Variants in CAMK4 observed in about 807,000 individuals in gnomAD.
CAMK4 encodes calcium/calmodulin-dependent protein kinase type IV.
A neutral mutation model predicts 44.9 loss-of-function variants in CAMK4; 22 were observed. The ratio of observed to expected loss-of-function variants is 0.49; its 90% CI spans 0.35 to 0.70. The LOEUF is 0.70. Among genes scored for constraint, CAMK4 ranks in the 30% least tolerant of loss-of-function variants. CAMK4 has a pLI of 0.01. For missense variants in CAMK4, 498 were observed against 586.8 expected, an observed-to-expected ratio of 0.85 and a Z score of 1.56; for synonymous variants, 218 against 215.4, an observed-to-expected ratio of 1.01 and a Z score of -0.11.
At chr5:111,460,464 G>T (rs1395819513) in intron 7 of CAMK4, among the ~76,000 whole-genome samples, 5 of 151,722 alleles carry the variant, frequency 3.3e-5, no homozygotes, top group African/African-American at 1.2e-4. Context: ...TAGAGACGGG[G>T]TTTCACCGTG....
At chr5:111,365,460 T>C (rs1341665632) in intron 2 of CAMK4, among the ~76,000 whole-genome samples, 1 of 151,994 alleles carries the variant, frequency 6.6e-6, no homozygotes. Flanking sequence ...TTAAGAATGA[T>C]TATGGAGAAT....
At chr5:111,443,285 C>T (rs5014350) in intron 5 of CAMK4, among the ~76,000 whole-genome samples, 1,547 of 56,538 alleles carry the variant, frequency 0.027, 6 homozygotes, top group Admixed American at 0.048. Context: ...TATATACACA[C>T]ACACACACAC....
chr5:111,447,927 G>T (rs1290200926), intron 6 of CAMK4, among the ~76,000 whole-genome samples: 8 of 152,214 alleles, frequency 5.3e-5, no homozygotes, highest in African/African-American at 1.7e-4. Flanking sequence ...CACTTTCAAA[G>T]ATTTAATCCT....
intron 2 of CAMK4, among the ~76,000 whole-genome samples, chr5:111,365,482 T>C (rs932135567): frequency 1.3e-5 from 2 of 148,866 alleles, no homozygotes; most frequent in African/African-American, 5.0e-5. Context: ...ATGGTTGAGA[T>C]GGAGACATAC....
chr5:111,298,028 A>G (rs1308062522), intron 1 of CAMK4, among the ~76,000 whole-genome samples: 1 of 152,202 alleles, frequency 6.6e-6, no homozygotes, highest in Non-Finnish European at 1.5e-5. Flanking sequence ...AACTGGTGGT[A>G]TCTCTAAGTT....
At chr5:111,251,929 A>G (rs1749516321) in intron 1 of CAMK4, among the ~76,000 whole-genome samples, 1 of 152,036 alleles carries the variant, frequency 6.6e-6, no homozygotes. Context: ...TCTTATTGCT[A>G]CTAATGAACT....
chr5:111,385,331 G>A (rs1342121796), intron 4 of CAMK4, among the ~76,000 whole-genome samples: 1 of 152,042 alleles, frequency 6.6e-6, no homozygotes, highest in African/African-American at 2.4e-5. Context: ...TCAGGAAGGA[G>A]TAAAATCTTT....
At chr5:111,447,552 T>C (rs1372748035) in intron 6 of CAMK4, among the ~76,000 whole-genome samples, 3 of 152,186 alleles carry the variant, frequency 2.0e-5, no homozygotes, top group Non-Finnish European at 4.4e-5. Context: ...TAATTAGCAC[T>C]TTAGAAAAAA....
chr5:111,232,118 T>C (rs1268680461), intron 1 of CAMK4, among the ~76,000 whole-genome samples: 2 of 152,208 alleles, frequency 1.3e-5, no homozygotes, highest in Non-Finnish European at 2.9e-5. Flanking sequence ...TCAATAATTC[T>C]GACCTAGACG....
rs553213135 is a variant in CAMK4 at position 111,331,807 on chromosome 5, G to T, written c.162-12217G>T. On this transcript the variant is annotated intron_variant, in intron 1 of 10. Coordinates refer to ENST00000282356, the MANE Select transcript of CAMK4 (RefSeq NM_001744.6). ...AGGCTTGACAATAAATTATAAATTTGTGCTACCCAAAGTTCCATAGTTTTG... is the reference window on the plus strand; with the variant it reads ...AGGCTTGACAATAAATTATAAATTTTTGCTACCCAAAGTTCCATAGTTTTG... 1.2e-3 allele frequency among the ~76,000 whole-genome samples: 175 copies of T among 151,700 alleles called. 1 individual carries two copies. The highest frequency in any genetic ancestry group is 3.9e-3 in the African/African-American group (162 of 41,448).
chr5:111,357,540 A>G (rs925414095), intron 2 of CAMK4, among the ~76,000 whole-genome samples: 2 of 89,934 alleles, frequency 2.2e-5, no homozygotes, highest in African/African-American at 7.5e-5. Context: ...AGAGTTGCAT[A>G]TATCCAGTCA....
intron 5 of CAMK4, among the ~76,000 whole-genome samples, chr5:111,441,023 A>C (rs1174717361): frequency 6.6e-6 from 1 of 152,168 alleles, no homozygotes; most frequent in Non-Finnish European, 1.5e-5. Context: ...CAGATGAGAA[A>C]ACCGAGGCTT....
At chr5:111,409,362 A>G (rs1752551048) in intron 5 of CAMK4, among the ~76,000 whole-genome samples, 1 of 152,160 alleles carries the variant, frequency 6.6e-6, no homozygotes, top group Non-Finnish European at 1.5e-5. Flanking sequence ...TGAGTTGTAC[A>G]TTGCCTCATT....
chr5:111,417,686 T>A (rs777819187), intron 5 of CAMK4, among the ~76,000 whole-genome samples: 31 of 152,194 alleles, frequency 2.0e-4, no homozygotes, highest in Non-Finnish European at 3.5e-4. Flanking sequence ...AACAAGTTAG[T>A]ATGCCTGTTC....
chr5:111,446,682 T>G lies in CAMK4; in HGVS notation c.460-4T>G, dbSNP rs767439845. ...AATGTTATTTCATTATTTTCCCTCTTTAGTATCTACATGAAAATGGGATTG... is the reference window on the plus strand; with the variant it reads ...AATGTTATTTCATTATTTTCCCTCTGTAGTATCTACATGAAAATGGGATTG... On this transcript the variant is annotated splice_polypyrimidine_tract_variant and splice_region_variant and intron_variant, in intron 5 of 10. Coordinates refer to ENST00000282356, the MANE Select transcript of CAMK4 (RefSeq NM_001744.6). The G allele has an allele frequency of 2.0e-6, 3 of 1,471,428 alleles. No homozygotes were observed. The South Asian group carries it at 3.5e-5, about 17-fold the overall frequency. The allele number at this position is 1,471,428 out of a possible 1,614,324, so 91.1% of individuals were successfully genotyped here.
intron 5 of CAMK4, among the ~76,000 whole-genome samples, chr5:111,432,437 A>G (rs1753483443): frequency 6.6e-6 from 1 of 151,974 alleles, no homozygotes; most frequent in Non-Finnish European, 1.5e-5. Context: ...AAGGCCTACT[A>G]TTTGATAGCA....
At chr5:111,463,590 T>A (rs1483127584) in intron 7 of CAMK4, among the ~76,000 whole-genome samples, 3 of 152,218 alleles carry the variant, frequency 2.0e-5, no homozygotes, top group Non-Finnish European at 4.4e-5. Context: ...AGAGTCCATT[T>A]CACTTTCCTG....
chr5:111,264,213 C>T (rs1750126684), intron 1 of CAMK4, among the ~76,000 whole-genome samples: 1 of 152,104 alleles, frequency 6.6e-6, no homozygotes, highest in South Asian at 2.1e-4. Flanking sequence ...AGGTGTTGCA[C>T]AGGTGCCTTG....
rs1319894590 is a variant in CAMK4, at chr5:111,484,081, A to G, written c.1037A>G (p.His346Arg). ...CGCCTGGGAAGTGCCAGCAGCAGCC[A>G]TGGCAGCATCCAGGAGAGCCACAAG... ...SSRLGSASSS[H>R]GSIQESHKAS... is the part of the protein sequence containing the mutation. Residue 346 changes from histidine (H) to arginine (R), a missense_variant, in exon 11 of 11, where the codon CAT becomes CGT. Physicochemically the swap from His to Arg is conservative, Grantham distance 29. This residue lies in a region of CAMK4 where 203 missense variants were observed against 298.2 expected (regional missense o/e 0.68). Coordinates refer to ENST00000282356, the MANE Select transcript of CAMK4 (RefSeq NM_001744.6). The surrounding 1 kb of genome is among the most constrained non-coding windows in gnomAD (Gnocchi z 5.3). 1.2e-6 allele frequency: 2 copies of G among 1,612,280 alleles called. No homozygotes were observed. The highest frequency in any genetic ancestry group is 1.7e-6 in the Non-Finnish European group (2 of 1,179,016).
Sources: allele counts gnomAD v4.1 joint callset (sites outside exome capture counted in the v4.1 genomes callset), GRCh38; gene constraint gnomAD v4.1.1; regional missense constraint gnomAD v4.1.1; non-coding constraint Gnocchi (gnomAD v3.1); transcripts MANE v1.5; gene names NCBI Gene and HGNC (gene_info 2026-07-23, HGNC 2026-07-21).